Variants in RHBDD1 observed in about 807,000 individuals in gnomAD.
RHBDD1 encodes the protein rhomboid domain containing 1.
In RHBDD1, 38 loss-of-function variants were observed where a neutral mutation model predicts 36.3. That is an observed-to-expected ratio of 1.05 (90% confidence interval 0.81 to 1.37). RHBDD1 has a LOEUF of 1.37. RHBDD1 is among the 40% of genes most tolerant of loss of function. The probability of loss-of-function intolerance (pLI) is 0.00; values close to 1 mark genes in which losing one functional copy is unlikely to be tolerated. For synonymous variants in RHBDD1, 151 were observed against 136.5 expected (o/e 1.11, Z -0.74); for missense variants, 393 against 377.6 (o/e 1.04, Z -0.34).
At chr2:226,894,545 G>A (rs945913507) in intron 5 of RHBDD1, among the ~76,000 whole-genome samples, 5 of 152,064 alleles carry the variant, frequency 3.3e-5, no homozygotes, top group Non-Finnish European at 7.4e-5. Context: ...TGCTTGGATT[G>A]CAGGCGTGAG....
chr2:226,991,941 T>C (rs1958314824), intron 8 of RHBDD1, among the ~76,000 whole-genome samples: 1 of 152,200 alleles, frequency 6.6e-6, no homozygotes, highest in Admixed American at 6.5e-5. Context: ...TATCTCCTAA[T>C]TCCCTACTAA....
intron 8 of RHBDD1, among the ~76,000 whole-genome samples, chr2:226,921,016 A>G (rs1023270292): frequency 2.0e-5 from 3 of 151,982 alleles, no homozygotes; most frequent in African/African-American, 7.2e-5. Context: ...GAAATTTTTT[A>G]TTATGGCACC....
In RHBDD1 at chr2:226,932,382, C is replaced by T. The variant is rs947599790; in HGVS notation, c.856+18031C>T. ...ACTTCTGTATCCCTACTGATTGTCTCCTCGATTTAATGAATTCTGTTAGTA... is the reference window on the plus strand; with the variant it reads ...ACTTCTGTATCCCTACTGATTGTCTTCTCGATTTAATGAATTCTGTTAGTA... On this transcript the variant is annotated intron_variant, in intron 8 of 8. Transcript: ENST00000392062. Among the ~76,000 whole-genome samples the T allele has an allele frequency of 3.9e-5, 6 of 152,158 alleles. No individual in the cohort carries two copies. In the East Asian group the frequency reaches 9.6e-4, roughly 24 times the overall value.
intron 8 of RHBDD1, among the ~76,000 whole-genome samples, chr2:226,920,145 T>C (rs942093530): frequency 6.6e-6 from 1 of 152,016 alleles, no homozygotes; most frequent in African/African-American, 2.4e-5. Flanking sequence ...TAAATACTTG[T>C]ATTTACTTGT....
At chr2:226,879,378 C>T (rs558252338) in intron 5 of RHBDD1, among the ~76,000 whole-genome samples, 1 of 152,280 alleles carries the variant, frequency 6.6e-6, no homozygotes, top group South Asian at 2.1e-4. Flanking sequence ...TCATAGATTT[C>T]TGCTAATTTA....
At chr2:226,859,996 A>G (rs1219476271) in intron 3 of RHBDD1, among the ~76,000 whole-genome samples, 2 of 147,880 alleles carry the variant, frequency 1.4e-5, no homozygotes, top group East Asian at 3.9e-4. Flanking sequence ...AGAGCTAGAA[A>G]GAAGTAGATT....
the RHBDD1 span, among the ~76,000 whole-genome samples, chr2:226,810,445 C>T: frequency 2.1e-5 from 3 of 143,788 alleles, no homozygotes; most frequent in Non-Finnish European, 4.5e-5. Flanking sequence ...GAGGCTGAGG[C>T]AGGAGAATCG....
chr2:226,978,919 G>A lies in RHBDD1; in HGVS notation c.857-16512G>A, dbSNP rs114758959. On this transcript the variant is annotated intron_variant, in intron 8 of 8. Coordinates refer to ENST00000392062, the MANE Select transcript of RHBDD1 (RefSeq NM_001167608.3). Reference sequence around the variant, plus strand: ...GAATGGCTGGTAGGAAGACAGGAGCGAGTGTGGGGAAATGGTTTAGGGTTG... The same window carrying A: ...GAATGGCTGGTAGGAAGACAGGAGCAAGTGTGGGGAAATGGTTTAGGGTTG... Among the ~76,000 whole-genome samples, 885 of 152,258 alleles carry A rather than the reference G, an allele frequency of 5.8e-3. 10 individuals are homozygous for A. Among genetic ancestry groups the A allele is most frequent in the African/African-American group, 0.02 (827 of 41,556 alleles).
intron 5 of RHBDD1, 179 bp downstream of exon 5, chr2:226,867,497 C>T (rs976296405): frequency 5.6e-5 from 47 of 842,284 alleles, no homozygotes; most frequent in Non-Finnish European, 6.7e-5. Context: ...ATCTTTTCAA[C>T]TATTAAGCTG....
At position 226,930,728 on chromosome 2, in the gene RHBDD1, A is replaced by C. The variant is rs192775780; in HGVS notation, c.856+16377A>C. Among the ~76,000 whole-genome samples, 205 of 152,246 alleles carry C rather than the reference A, an allele frequency of 1.3e-3. 1 individual carries two copies. The highest frequency in any genetic ancestry group is 0.011 in the Admixed American group (161 of 15,284). On this transcript the variant is annotated intron_variant, in intron 8 of 8. Transcript: ENST00000392062. The stretch of plus-strand genomic sequence containing the variant: ...CCACAGAATGGGAGGAAATATTTGC[A>C]AATTATGTATCTGACAAAGGACTAA...
At chr2:226,922,301 G>A (rs1357967147) in intron 8 of RHBDD1, among the ~76,000 whole-genome samples, 2 of 142,292 alleles carry the variant, frequency 1.4e-5, no homozygotes, top group East Asian at 2.2e-4. Flanking sequence ...TCCACCTCCC[G>A]GGTTCACGCC....
chr2:226,936,640 C>T (rs917278019), intron 8 of RHBDD1, among the ~76,000 whole-genome samples: 70 of 152,112 alleles, frequency 4.6e-4, no homozygotes, highest in African/African-American at 1.6e-3. Context: ...ATGGAGACTA[C>T]GTTTTGGGCT....
chr2:226,854,843 A>G (rs73992242), intron 3 of RHBDD1, among the ~76,000 whole-genome samples: 2,163 of 152,280 alleles, frequency 0.014, 59 homozygotes, highest in African/African-American at 0.05. Context: ...GGGGCACAAC[A>G]TAGTGAAATT....
the RHBDD1 span, among the ~76,000 whole-genome samples, chr2:226,803,606 C>T: frequency 1.3e-5 from 2 of 152,112 alleles, no homozygotes; most frequent in African/African-American, 4.8e-5. Context: ...AATTGCAGAG[C>T]ACTATGATCT....
intron 8 of RHBDD1, among the ~76,000 whole-genome samples, chr2:226,973,115 G>A (rs1458859530): frequency 2.6e-5 from 4 of 152,094 alleles, no homozygotes; most frequent in Admixed American, 2.0e-4. Flanking sequence ...CTTCAGCCTC[G>A]GGGTTCTTGT....
At chr2:226,902,418 C>G (rs1313973334) in intron 5 of RHBDD1, among the ~76,000 whole-genome samples, 5 of 152,198 alleles carry the variant, frequency 3.3e-5, no homozygotes, top group African/African-American at 1.2e-4. Flanking sequence ...CTGGTGAGAA[C>G]CACCTTCCCA....
chr2:226,824,922 C>T, the RHBDD1 span, among the ~76,000 whole-genome samples: 1 of 152,082 alleles, frequency 6.6e-6, no homozygotes, highest in African/African-American at 2.4e-5. Flanking sequence ...CAAAGGAGGT[C>T]CTAAAACCAC....
chr2:226,912,574 A>G (rs1448534381), intron 7 of RHBDD1, among the ~76,000 whole-genome samples: 1 of 152,172 alleles, frequency 6.6e-6, no homozygotes, highest in East Asian at 1.9e-4. Flanking sequence ...GAACCTGGAA[A>G]ATATACTAAG....
At chr2:226,883,493 G>A (rs1342791290) in intron 5 of RHBDD1, among the ~76,000 whole-genome samples, 1 of 152,206 alleles carries the variant, frequency 6.6e-6, no homozygotes, top group Non-Finnish European at 1.5e-5. Flanking sequence ...ACAGAGAAGA[G>A]CGGTAGGTAG....
Sources: allele counts gnomAD v4.1 joint callset (sites outside exome capture counted in the v4.1 genomes callset), GRCh38; gene constraint gnomAD v4.1.1; transcripts MANE v1.5; gene names NCBI Gene and HGNC (gene_info 2026-07-23, HGNC 2026-07-21).